Variants in NINJ2 observed in about 807,000 individuals in gnomAD.
NINJ2 encodes the protein ninjurin 2.
A neutral mutation model predicts 11.7 loss-of-function variants in NINJ2; 12 were observed. That is an observed-to-expected ratio of 1.02 (90% confidence interval 0.66 to 1.66). The LOEUF (loss-of-function observed/expected upper bound fraction) is 1.66. Ranked by LOEUF, NINJ2 falls within the 40% of genes most tolerant of loss-of-function variation. The probability of loss-of-function intolerance (pLI) is 0.00; values close to 1 mark genes in which losing one functional copy is unlikely to be tolerated. For synonymous variants in NINJ2, 93 were observed against 76.8 expected, an observed-to-expected ratio of 1.21 and a Z score of -1.10; for missense variants, 187 against 181.8, an observed-to-expected ratio of 1.03 and a Z score of -0.16.
chr12:579,801 G>GA (rs1947521544), intron 1 of NINJ2, among the ~76,000 whole-genome samples: 1 of 152,224 alleles, frequency 6.6e-6, no homozygotes, highest in Non-Finnish European at 1.5e-5. Flanking sequence ...ATCCTCTTTG[G>GA]AAAAAGCATA....
At chr12:660,348 C>G (rs374666669) in intron 1 of NINJ2, among the ~76,000 whole-genome samples, 1 of 130,702 alleles carries the variant, frequency 7.7e-6, no homozygotes, top group African/African-American at 2.9e-5. Flanking sequence ...TGCTTTCTTT[C>G]TTTTTTCTTT....
intron 1 of NINJ2, among the ~76,000 whole-genome samples, chr12:639,879 CAT>C (rs1948399300): frequency 6.6e-6 from 1 of 152,200 alleles, no homozygotes; most frequent in Admixed American, 6.5e-5. Context: ...TTTATAGAAA[CAT>C]AGGTACAAAG....
chr12:656,479 G>A (rs928092622), intron 1 of NINJ2, among the ~76,000 whole-genome samples: 1 of 149,828 alleles, frequency 6.7e-6, no homozygotes, highest in Non-Finnish European at 1.5e-5. Context: ...GGCCAGGCAT[G>A]GTGGCTCACA....
chr12:660,289 TAAAAAAAAAA>T (rs776762900), intron 1 of NINJ2, among the ~76,000 whole-genome samples: 7 of 107,732 alleles, frequency 6.5e-5, no homozygotes, highest in Non-Finnish European at 1.1e-4. Context: ...TCCTGTCTGT[TAAAAAAAAAA>T]AAAAAAAAAA....
intron 1 of NINJ2, among the ~76,000 whole-genome samples, chr12:612,160 C>G (rs1284045546): frequency 6.6e-6 from 1 of 152,170 alleles, no homozygotes; most frequent in African/African-American, 2.4e-5. Flanking sequence ...GAGCTTGGGT[C>G]CCAAACACCG....
chr12:573,487 G>C (rs909078889), intron 1 of NINJ2, among the ~76,000 whole-genome samples: 1 of 152,114 alleles, frequency 6.6e-6, no homozygotes, highest in Non-Finnish European at 1.5e-5. Flanking sequence ...GCTGAGACAG[G>C]AGAATTGCTT....
At chr12:663,035 A>G (rs1018348605) in intron 1 of NINJ2, among the ~76,000 whole-genome samples, 8 of 152,270 alleles carry the variant, frequency 5.3e-5, no homozygotes, top group African/African-American at 9.6e-5. Flanking sequence ...ATGTGAAATC[A>G]TTTTCTGGTA....
At chr12:589,906 C>T (rs1434137207) in intron 1 of NINJ2, among the ~76,000 whole-genome samples, 2 of 151,996 alleles carry the variant, frequency 1.3e-5, no homozygotes, top group Non-Finnish European at 2.9e-5. Context: ...CTGTGGCAGC[C>T]GTCTCAGAGA....
intron 1 of NINJ2, among the ~76,000 whole-genome samples, chr12:604,110 C>T (rs1020244016): frequency 1.3e-5 from 2 of 152,184 alleles, no homozygotes; most frequent in Non-Finnish European, 2.9e-5. Context: ...TTTTCAAGAT[C>T]ATTTGAGCTA....
intron 1 of NINJ2, among the ~76,000 whole-genome samples, chr12:588,786 C>T (rs181777725): frequency 6.6e-6 from 1 of 152,154 alleles, no homozygotes; most frequent in East Asian, 1.9e-4. Flanking sequence ...AACAAGCAAG[C>T]CCCTGAAGAA....
At chr12:596,932 A>C (rs935366974) in intron 1 of NINJ2, among the ~76,000 whole-genome samples, 6 of 151,562 alleles carry the variant, frequency 4.0e-5, no homozygotes, top group Non-Finnish European at 7.4e-5. Context: ...CAAAAAAAAA[A>C]CAAAAAAAAA....
At chr12:582,879 GCGCA>G (rs1329749470) in intron 1 of NINJ2, among the ~76,000 whole-genome samples, 3 of 41,400 alleles carry the variant, frequency 7.2e-5, no homozygotes, top group African/African-American at 4.2e-4. Context: ...GAATGAATGG[GCGCA>G]GGCAGGCAGG....
At chr12:621,291 A>T (rs530035682) in intron 1 of NINJ2, among the ~76,000 whole-genome samples, 4 of 151,300 alleles carry the variant, frequency 2.6e-5, no homozygotes, top group Non-Finnish European at 4.4e-5. Flanking sequence ...CTATAAAAAA[A>T]TTTAAAAAAA....
intron 1 of NINJ2, chr12:644,572 G>A (rs1937646389): frequency 2.0e-5 from 3 of 152,288 alleles, no homozygotes; most frequent in Admixed American, 1.3e-4. Flanking sequence ...CAGAAAGCCT[G>A]GCATACAGGG....
chr12:657,570 C>T (rs1193648055), intron 1 of NINJ2, among the ~76,000 whole-genome samples: 2 of 152,118 alleles, frequency 1.3e-5, no homozygotes, highest in Non-Finnish European at 2.9e-5. Context: ...GCCTGGAAGA[C>T]AGAGCGAGAC....
At chr12:603,659 T>C (rs903578224) in intron 1 of NINJ2, among the ~76,000 whole-genome samples, 39 of 148,052 alleles carry the variant, frequency 2.6e-4, no homozygotes, top group African/African-American at 1.0e-3. Flanking sequence ...GAAAAGACTA[T>C]TCTTTTTCTT....
At chr12:651,880 A>G (rs1196614866) in intron 1 of NINJ2, among the ~76,000 whole-genome samples, 1 of 152,254 alleles carries the variant, frequency 6.6e-6, no homozygotes, top group Non-Finnish European at 1.5e-5. Flanking sequence ...CATATCTCAT[A>G]GAAGGCCCCT....
intron 1 of NINJ2, among the ~76,000 whole-genome samples, chr12:648,081 A>AT (rs1009771449): frequency 1.1e-4 from 17 of 151,160 alleles, no homozygotes; most frequent in South Asian, 6.3e-4. Context: ...CAACAAATAC[A>AT]TTTTTTTTTG....
At chr12:623,313 A>C (rs1394462457) in intron 1 of NINJ2, among the ~76,000 whole-genome samples, 2 of 152,022 alleles carry the variant, frequency 1.3e-5, no homozygotes, top group Non-Finnish European at 2.9e-5. Flanking sequence ...TCTAGGAAGG[A>C]TCTCCCAGCC....
Sources: gnomAD v4.1 joint callset for allele counts (sites outside exome capture counted in the v4.1 genomes callset) on GRCh38, gnomAD v4.1.1 for gene constraint, MANE v1.5 for transcripts, NCBI Gene and HGNC (gene_info 2026-07-23, HGNC 2026-07-21) for gene names.